Variants in XRN1 observed in about 807,000 individuals in gnomAD.
The protein encoded by XRN1 is 5'-3' exoribonuclease 1, also known as strand-exchange protein 1 homolog.
In XRN1, 67 loss-of-function variants were observed where a neutral mutation model predicts 222.3. The ratio of observed to expected loss-of-function variants is 0.30; its 90% CI spans 0.25 to 0.37. The LOEUF (loss-of-function observed/expected upper bound fraction) is 0.37. XRN1 is among the 10% of genes least tolerant of loss of function. The probability of loss-of-function intolerance (pLI) is 1.00; values close to 1 mark genes in which losing one functional copy is unlikely to be tolerated. For missense variants in XRN1, 1,707 were observed against 2,000.2 expected, an observed-to-expected ratio of 0.85 and a Z score of 2.80; for synonymous variants, 643 against 652.4, an observed-to-expected ratio of 0.99 and a Z score of 0.22.
intron 22 of XRN1, among the ~76,000 whole-genome samples, chr3:142,383,006 A>G (rs1402661692): frequency 1.3e-5 from 2 of 150,442 alleles, no homozygotes; most frequent in Non-Finnish European, 2.9e-5. Context: ...AATAGTTACA[A>G]AATCGTTTCA....
intron 1 of XRN1, among the ~76,000 whole-genome samples, chr3:142,438,791 T>C (rs2070051869): frequency 6.6e-6 from 1 of 152,020 alleles, no homozygotes; most frequent in Non-Finnish European, 1.5e-5. Flanking sequence ...GGAGGGCAAA[T>C]GGAGTGAAGT....
In XRN1 at chr3:142,397,330, G is replaced by A. The variant is rs1342748078; in HGVS notation, c.2338C>T (p.His780Tyr). The change falls in exon 20 of 41, where the codon CAC becomes TAC. Residue 780 changes from histidine to tyrosine, a missense_variant and splice_region_variant. Transcript: ENST00000392981. ...WAKEVQGISE[H>Y]YLRRKGIIIN... is the part of the protein sequence containing the mutation. The stretch of plus-strand genomic sequence containing the variant: ...TTAAATACTTTTAACGATACTCACT[G>A]TTCTGAAATTCCTTGTACTTCTTTT... 1.9e-6 allele frequency: 3 copies of A among 1,585,172 alleles called. No individual in the cohort carries two copies. Among genetic ancestry groups the A allele is most frequent in the Non-Finnish European group, 2.6e-6 (3 of 1,166,898 alleles).
At chr3:142,386,044 G>A (rs2067486896) in intron 20 of XRN1, among the ~76,000 whole-genome samples, 1 of 151,646 alleles carries the variant, frequency 6.6e-6, no homozygotes, top group African/African-American at 2.4e-5. Flanking sequence ...TAATAATGTT[G>A]TCTATGGCAA....
intron 24 of XRN1, chr3:142,376,169 T>C: frequency 4.0e-6 from 3 of 755,254 alleles, no homozygotes; most frequent in Non-Finnish European, 5.8e-6. Context: ...AGCATGTAAA[T>C]AAATTATGTA....
chr3:142,421,564 A>C, intron 8 of XRN1, 21 bp from the exon 9 acceptor site: 1 of 1,541,570 alleles, frequency 6.5e-7, no homozygotes, highest in Non-Finnish European at 8.8e-7. Context: ...CAAAAATTTA[A>C]ATCTGTACTA....
intron 15 of XRN1, among the ~76,000 whole-genome samples, chr3:142,412,308 T>G (rs1348567411): frequency 6.6e-6 from 1 of 152,234 alleles, no homozygotes; most frequent in African/African-American, 2.4e-5. Flanking sequence ...AAATATCTCT[T>G]TATCTCCGGT....
chr3:142,379,239 CCA>C (rs2067230934), intron 23 of XRN1, among the ~76,000 whole-genome samples: 2 of 152,116 alleles, frequency 1.3e-5, no homozygotes, highest in Admixed American at 1.3e-4. Flanking sequence ...CCACTGCACT[CCA>C]GCCTGGATGA....
At chr3:142,442,473 C>A (rs750123951) in intron 1 of XRN1, among the ~76,000 whole-genome samples, 1 of 152,282 alleles carries the variant, frequency 6.6e-6, no homozygotes, top group East Asian at 1.9e-4. Flanking sequence ...GGGAAGCTCA[C>A]GAGGACATAG....
intron 39 of XRN1, among the ~76,000 whole-genome samples, chr3:142,316,620 G>A (rs1186128296): frequency 1.3e-5 from 2 of 152,028 alleles, no homozygotes; most frequent in Admixed American, 6.6e-5. Context: ...GTCTAGTTGG[G>A]ACTAGTCACT....
At chr3:142,442,037 C>A (rs1257102017) in intron 1 of XRN1, among the ~76,000 whole-genome samples, 1 of 152,142 alleles carries the variant, frequency 6.6e-6, no homozygotes, top group African/African-American at 2.4e-5. Context: ...TGAAAATAAT[C>A]CCCTCATTCC....
At chr3:142,406,871 C>A (rs565453493) in intron 15 of XRN1, among the ~76,000 whole-genome samples, 3 of 152,274 alleles carry the variant, frequency 2.0e-5, no homozygotes, top group African/African-American at 7.2e-5. Flanking sequence ...ATAACAAAAT[C>A]TTGCAGTCAT....
intron 19 of XRN1, among the ~76,000 whole-genome samples, chr3:142,398,041 A>G (rs2067993250): frequency 6.6e-6 from 1 of 152,152 alleles, no homozygotes; most frequent in African/African-American, 2.4e-5. Context: ...CAGAAATTCA[A>G]GACCACCCTG....
intron 20 of XRN1, 102 bp from the exon 21 acceptor site, chr3:142,384,787 G>A: frequency 1.1e-6 from 1 of 917,360 alleles, no homozygotes; most frequent in Non-Finnish European, 1.6e-6. Flanking sequence ...ATAATCAAGT[G>A]TGTAAATAAA....
chr3:142,435,437 A>C (rs1482338730), intron 1 of XRN1: 1 of 151,182 alleles, frequency 6.6e-6, no homozygotes, highest in East Asian at 2.0e-4. Flanking sequence ...AACACATAAA[A>C]AATACTGAAA....
At chr3:142,388,332 A>G (rs2067585908) in intron 20 of XRN1, among the ~76,000 whole-genome samples, 1 of 152,226 alleles carries the variant, frequency 6.6e-6, no homozygotes, top group Non-Finnish European at 1.5e-5. Context: ...TTGTAAGAAC[A>G]CACTATATAA....
At chr3:142,364,760 G>A (rs569736229) in intron 29 of XRN1, among the ~76,000 whole-genome samples, 1 of 152,180 alleles carries the variant, frequency 6.6e-6, no homozygotes, top group East Asian at 1.9e-4. Context: ...ACATATGTAT[G>A]CTCACCAAGA....
chr3:142,389,546 G>C (rs2067638925), intron 20 of XRN1, among the ~76,000 whole-genome samples: 1 of 152,280 alleles, frequency 6.6e-6, no homozygotes, highest in Non-Finnish European at 1.5e-5. Context: ...GTCACTCAGA[G>C]TCTCGCTCTG....
At chr3:142,345,126 G>T (rs190220899) in intron 33 of XRN1, among the ~76,000 whole-genome samples, 3 of 152,208 alleles carry the variant, frequency 2.0e-5, no homozygotes, top group East Asian at 3.9e-4. Context: ...AAATGAGATG[G>T]TGTCTTAATA....
At chr3:142,423,441 T>C (rs1053185871) in intron 6 of XRN1, 119 bp downstream of exon 6, 1 of 653,246 alleles carries the variant, frequency 1.5e-6, no homozygotes, top group South Asian at 3.3e-5. Flanking sequence ...AAGGACACTA[T>C]CAACATAGTG....
Sources: allele counts gnomAD v4.1 joint callset (sites outside exome capture counted in the v4.1 genomes callset), GRCh38; gene constraint gnomAD v4.1.1; transcripts MANE v1.5; gene names NCBI Gene and HGNC (gene_info 2026-07-23, HGNC 2026-07-21).